Variants in TMEM126A observed in about 807,000 individuals in gnomAD.
TMEM126A encodes the protein transmembrane protein 126A, also known as optic atrophy 7.
In TMEM126A, 10 loss-of-function variants were observed where a neutral mutation model predicts 18.3. The ratio of observed to expected loss-of-function variants is 0.55; its 90% CI spans 0.34 to 0.93. TMEM126A has a LOEUF of 0.93. Ranked by LOEUF, TMEM126A falls within the 40% of genes least tolerant of loss-of-function variation. The pLI is 0.02. For missense variants in TMEM126A, 246 were observed against 230.2 expected (o/e 1.07, Z -0.44); for synonymous variants, 68 against 78.1 (o/e 0.87, Z 0.68).
chr11:85,655,708 G>A lies in TMEM126A; in HGVS notation c.395G>A (p.Arg132Lys). 1 of 1,608,406 alleles carries A rather than the reference G, an allele frequency of 6.2e-7. No homozygotes were observed. Among genetic ancestry groups the A allele is most frequent in the Non-Finnish European group, 8.5e-7 (1 of 1,175,022 alleles). ...CCTGTAAATGGTGGTCTAGCAGCCA[G>A]GTAGGAAATAAAAAACTTTTTATAA... ...AIPVNGGLAA[R>K]YQSALLPHKG... is the part of the protein sequence containing the mutation. The change falls in exon 4 of 5, where the codon AGG (arginine) becomes AAG (lysine). Residue 132 changes from arginine to lysine, a missense_variant and splice_region_variant. Physicochemically the swap from Arg to Lys is conservative, Grantham distance 26. Transcript: ENST00000304511.
At chr11:85,648,488 G>A (rs2082476860) in intron 1 of TMEM126A, among the ~76,000 whole-genome samples, 1 of 152,234 alleles carries the variant, frequency 6.6e-6, no homozygotes, top group South Asian at 2.1e-4. Context: ...AGGCGGCGTT[G>A]TCTTTGATAG....
chr11:85,649,279 A>T (rs2082482761), intron 1 of TMEM126A, among the ~76,000 whole-genome samples: 1 of 152,178 alleles, frequency 6.6e-6, no homozygotes, highest in Non-Finnish European at 1.5e-5. Flanking sequence ...CCAAATCTTC[A>T]TCATTCACCA....
Position 85,654,253 on chromosome 11 carries a change from A to G in TMEM126A, c.277A>G (p.Thr93Ala). The change falls in exon 3 of 5, where the codon ACA (threonine) becomes GCA (alanine). Residue 93 changes from threonine (T) to alanine (A), a missense_variant. Coordinates refer to ENST00000304511, the MANE Select transcript of TMEM126A (RefSeq NM_032273.4). ...YRCFVSFPLN[T>A]GDLDCETCTI... ...ATGTTTTGTAAGTTTTCCTTTGAATACAGGTAAATTCTACTTCACTATCAC... is the reference window on the plus strand; with the variant it reads ...ATGTTTTGTAAGTTTTCCTTTGAATGCAGGTAAATTCTACTTCACTATCAC... The G allele has an allele frequency of 6.2e-7, 1 of 1,613,962 alleles. No homozygotes were observed. The highest frequency in any genetic ancestry group is 8.5e-7 in the Non-Finnish European group (1 of 1,179,944).
intron 2 of TMEM126A, among the ~76,000 whole-genome samples, chr11:85,652,792 CAT>C (rs1491355981): frequency 2.0e-5 from 3 of 151,442 alleles, no homozygotes; most frequent in Middle Eastern, 3.5e-3. Context: ...TTATATATAA[CAT>C]GTATATATGT....
chr11:85,652,801 A>G (rs1404287910), intron 2 of TMEM126A, among the ~76,000 whole-genome samples: 2 of 151,454 alleles, frequency 1.3e-5, no homozygotes, highest in East Asian at 1.9e-4. Flanking sequence ...ACATGTATAT[A>G]TGTATTTTAT....
intron 3 of TMEM126A, chr11:85,655,314 A>G: frequency 2.8e-6 from 1 of 351,280 alleles, no homozygotes; most frequent in Non-Finnish European, 5.4e-6. Flanking sequence ...GTTGATAAAA[A>G]ACAAGGCAGA....
At chr11:85,648,353 ATT>A (rs2082476046) in intron 1 of TMEM126A, among the ~76,000 whole-genome samples, 1 of 152,136 alleles carries the variant, frequency 6.6e-6, no homozygotes, top group Admixed American at 6.5e-5. Flanking sequence ...GCCAAATTTG[ATT>A]TTCAGAGGTC....
At chr11:85,650,883 A>G (rs575438881) in intron 2 of TMEM126A, among the ~76,000 whole-genome samples, 1 of 152,194 alleles carries the variant, frequency 6.6e-6, no homozygotes, top group African/African-American at 2.4e-5. Context: ...AGCCTGGCCA[A>G]CATGGTGAAA....
Position 85,654,109 on chromosome 11 carries a change from CTT to C in TMEM126A, c.135_136del (p.Cys46TrpfsTer49), listed in dbSNP as rs1565800353. On this transcript the variant is annotated frameshift_variant, in exon 3 of 5. Transcript: ENST00000304511. LOFTEE classifies it high-confidence loss of function. ...GGTTTATGTTGGATTAAATGCTGCT[CTT>C]TGTGGCCTCATAGCAAACAGTCTTT... ...GSVYVGLNAA[L>X]CGLIANSLFR... is the part of the protein sequence containing the mutation. 2 of 1,614,184 alleles carry C rather than the reference CTT, an allele frequency of 1.2e-6. No homozygotes were observed. The highest frequency in any genetic ancestry group is 1.3e-5 in the African/African-American group (1 of 75,052).
At chr11:85,654,488 G>C (rs1043032094) in intron 3 of TMEM126A, among the ~76,000 whole-genome samples, 11 of 152,178 alleles carry the variant, frequency 7.2e-5, no homozygotes, top group Non-Finnish European at 1.6e-4. Flanking sequence ...TTTTGCTCTT[G>C]TTGCCCAGGT....
intron 2 of TMEM126A, among the ~76,000 whole-genome samples, chr11:85,650,643 T>TTAAAA (rs1398369325): frequency 3.9e-5 from 6 of 152,208 alleles, no homozygotes; most frequent in African/African-American, 1.4e-4. Context: ...TAACAAAACT[T>TTAAAA]TAACTTTTAA....
chr11:85,652,052 C>T lies in TMEM126A; in HGVS notation c.86+1711C>T, dbSNP rs143436866. ...GGGGGCACGTGCCTGTAGTCCTACC[C>T]ACTGGAGAAGCTGAGGCACGAGAAT... is the stretch of plus-strand genomic sequence containing the variant. On this transcript the variant is annotated intron_variant, in intron 2 of 4. Coordinates refer to ENST00000304511, the MANE Select transcript of TMEM126A (RefSeq NM_032273.4). 7.9e-4 allele frequency among the ~76,000 whole-genome samples: 121 copies of T among 152,206 alleles called. 1 individual carries two copies. In the East Asian group the frequency reaches 0.017, roughly 22 times the overall value.
Position 85,649,569 on chromosome 11 carries a change from C to A in TMEM126A, c.-7-680C>A, listed in dbSNP as rs910604548. On this transcript the variant is annotated intron_variant, in intron 1 of 4. Coordinates refer to ENST00000304511, the MANE Select transcript of TMEM126A (RefSeq NM_032273.4). ...TGTGTCTTCTATCTGCTAAATAATA[C>A]CAAATTCTTTCCCAAAGTGACTGTA... Among the ~76,000 whole-genome samples, 3 of 152,116 alleles carry A rather than the reference C, an allele frequency of 2.0e-5. No homozygotes were observed. In the South Asian group the frequency reaches 6.2e-4, roughly 32 times the overall value.
At chr11:85,654,924 G>C (rs2082526737) in intron 3 of TMEM126A, among the ~76,000 whole-genome samples, 1 of 151,014 alleles carries the variant, frequency 6.6e-6, no homozygotes, top group Non-Finnish European at 1.5e-5. Flanking sequence ...ATATTTTATA[G>C]AGAAGTTCCT....
At chr11:85,648,637 A>G (rs2082478010) in intron 1 of TMEM126A, among the ~76,000 whole-genome samples, 1 of 152,188 alleles carries the variant, frequency 6.6e-6, no homozygotes, top group African/African-American at 2.4e-5. Context: ...CCCCATACAC[A>G]AAATCATTCA....
intron 2 of TMEM126A, among the ~76,000 whole-genome samples, chr11:85,651,000 C>T (rs1028787150): frequency 9.1e-5 from 11 of 120,264 alleles, no homozygotes; most frequent in African/African-American, 3.6e-4. Context: ...ACCAGGGAGG[C>T]GGAGGTTGCA....
chr11:85,654,575 C>G (rs2153313395), intron 3 of TMEM126A, among the ~76,000 whole-genome samples: 1 of 152,168 alleles, frequency 6.6e-6, no homozygotes, highest in South Asian at 2.1e-4. Flanking sequence ...CCTCAGCCTC[C>G]TGAGTAGCTG....
chr11:85,650,112 C>T (rs1192511776), intron 1 of TMEM126A, 137 bp from the exon 2 acceptor site: 8 of 575,654 alleles, frequency 1.4e-5, no homozygotes, highest in Non-Finnish European at 2.2e-5. Context: ...GTTTCTGTTT[C>T]ACTTAGATTT....
chr11:85,651,770 C>G (rs931787993), intron 2 of TMEM126A, among the ~76,000 whole-genome samples: 5 of 152,188 alleles, frequency 3.3e-5, no homozygotes, highest in Admixed American at 1.3e-4. Flanking sequence ...CCACTCCCTT[C>G]TAGTTGTTTT....
Sources: gnomAD v4.1 joint callset for allele counts (sites outside exome capture counted in the v4.1 genomes callset) on GRCh38, gnomAD v4.1.1 for gene constraint, MANE v1.5 for transcripts, NCBI Gene and HGNC (gene_info 2026-07-23, HGNC 2026-07-21) for gene names.